The following PRKCH variants were observed in gnomAD, a reference collection of about 807,000 sequenced individuals.
PRKCH encodes the protein protein kinase C eta type.
A neutral mutation model predicts 82.5 loss-of-function variants in PRKCH; 28 were observed. That is an observed-to-expected ratio of 0.34 (90% CI 0.25 to 0.47). The LOEUF is 0.47. Among genes scored for constraint, PRKCH ranks in the 20% least tolerant of loss-of-function variants. PRKCH has a pLI of 1.00. For missense variants in PRKCH, 705 were observed against 881.8 expected (o/e 0.80, Z 2.54); for synonymous variants, 322 against 327.4 (o/e 0.98, Z 0.18).
At chr14:61,291,576 C>T (rs1455249039) in intron 1 of PRKCH, among the ~76,000 whole-genome samples, 6 of 151,986 alleles carry the variant, frequency 3.9e-5, no homozygotes, top group African/African-American at 9.7e-5. Flanking sequence ...GTGATCTGCC[C>T]GCCTCGGCCT....
chr14:61,264,828 G>A (rs1304680301), intron 1 of PRKCH, among the ~76,000 whole-genome samples: 1 of 152,156 alleles, frequency 6.6e-6, no homozygotes, highest in Non-Finnish European at 1.5e-5. Context: ...AAACAGAGAG[G>A]CTTGAATTCC....
intron 2 of PRKCH, among the ~76,000 whole-genome samples, chr14:61,442,029 C>T (rs1250906881): frequency 6.6e-6 from 1 of 152,024 alleles, no homozygotes; most frequent in Non-Finnish European, 1.5e-5. Context: ...TCCTTTGTAA[C>T]AGGTATCTGA....
At chr14:61,423,961 G>T (rs936253769) in intron 2 of PRKCH, among the ~76,000 whole-genome samples, 4 of 152,122 alleles carry the variant, frequency 2.6e-5, no homozygotes, top group Admixed American at 6.5e-5. Context: ...GGAGCAGTTT[G>T]CTCTTTGCTG....
At chr14:61,518,555 A>G (rs896442106) in intron 10 of PRKCH, among the ~76,000 whole-genome samples, 2 of 152,230 alleles carry the variant, frequency 1.3e-5, no homozygotes, top group Admixed American at 6.5e-5. Context: ...ATGTTTATCA[A>G]ACTCATTTCC....
intron 9 of PRKCH, among the ~76,000 whole-genome samples, chr14:61,468,924 A>G (rs1885379787): frequency 6.6e-6 from 1 of 152,188 alleles, no homozygotes; most frequent in Non-Finnish European, 1.5e-5. Context: ...TGGAACCCTT[A>G]AAGCCTGCCA....
At chr14:61,322,495 C>T (rs2045640526) in intron 1 of PRKCH, 31 bp downstream of exon 1, 2 of 1,569,796 alleles carry the variant, frequency 1.3e-6, no homozygotes, top group South Asian at 2.3e-5. Flanking sequence ...CCCTTTGTGT[C>T]CACCCAACCC....
In PRKCH at chr14:61,243,257, G is replaced by T. The variant is rs530251465; in HGVS notation, c.-19+55589G>T. On this transcript the variant is annotated intron_variant, in intron 1 of 3. Transcript: ENST00000555185. The stretch of plus-strand genomic sequence containing the variant: ...TACAAATACAAAAAAAATTCACCAG[G>T]TGTGGTTGTGCGCACCTGTAGTCCC... Among the ~76,000 whole-genome samples the T allele has an allele frequency of 3.3e-5, 5 of 151,948 alleles. No individual in the cohort carries two copies. In the East Asian group the frequency reaches 9.7e-4, roughly 29 times the overall value.
At chr14:61,216,877 CA>C (rs1209498397) in intron 1 of PRKCH, among the ~76,000 whole-genome samples, 1 of 152,070 alleles carries the variant, frequency 6.6e-6, no homozygotes, top group Non-Finnish European at 1.5e-5. Context: ...GGTCAGGGAA[CA>C]AAGTTATTCT....
intron 10 of PRKCH, among the ~76,000 whole-genome samples, chr14:61,516,346 G>A (rs2042829273): frequency 6.6e-6 from 1 of 152,162 alleles, no homozygotes; most frequent in South Asian, 2.1e-4. Flanking sequence ...AGCATGTATG[G>A]TGGTGACACT....
At chr14:61,475,901 T>A (rs1286864430) in intron 9 of PRKCH, among the ~76,000 whole-genome samples, 2 of 152,216 alleles carry the variant, frequency 1.3e-5, no homozygotes, top group Non-Finnish European at 2.9e-5. Context: ...CTATATCTGG[T>A]TGTCAGGATT....
At chr14:61,379,278 T>C (rs1459186418) in intron 1 of PRKCH, among the ~76,000 whole-genome samples, 1 of 152,214 alleles carries the variant, frequency 6.6e-6, no homozygotes, top group Non-Finnish European at 1.5e-5. Flanking sequence ...TTCCCTCTTT[T>C]GTGGAGCTTT....
At chr14:61,216,460 ACT>A (rs2044617088) in intron 1 of PRKCH, among the ~76,000 whole-genome samples, 1 of 151,172 alleles carries the variant, frequency 6.6e-6, no homozygotes, top group African/African-American at 2.4e-5. Flanking sequence ...ATAGAGCAAG[ACT>A]CTGTCTCAAA....
intron 10 of PRKCH, among the ~76,000 whole-genome samples, chr14:61,492,029 C>T (rs181058513): frequency 5.3e-5 from 8 of 152,074 alleles, no homozygotes; most frequent in South Asian, 2.1e-4. Flanking sequence ...GCTGAGGTCA[C>T]GGTAAAGAGG....
At chr14:61,290,753 A>G (rs79471663) in intron 1 of PRKCH, among the ~76,000 whole-genome samples, 240 of 152,354 alleles carry the variant, frequency 1.6e-3, no homozygotes, top group Non-Finnish European at 3.0e-3. Context: ...TCAGTAGTTA[A>G]GGAGCAGCAG....
At chr14:61,522,291 C>T (rs1196344504) in intron 10 of PRKCH, among the ~76,000 whole-genome samples, 1 of 152,170 alleles carries the variant, frequency 6.6e-6, no homozygotes, top group Non-Finnish European at 1.5e-5. Flanking sequence ...TCCTCATGTT[C>T]ATTCTCAACT....
intron 1 of PRKCH, among the ~76,000 whole-genome samples, chr14:61,367,875 C>T (rs1337601685): frequency 8.6e-5 from 13 of 151,774 alleles, no homozygotes; most frequent in African/African-American, 2.7e-4. Flanking sequence ...CCACCACGCC[C>T]GGCTAATTTT....
At chr14:61,256,276 A>G (rs964510562) in intron 1 of PRKCH, among the ~76,000 whole-genome samples, 4 of 152,196 alleles carry the variant, frequency 2.6e-5, no homozygotes, top group Non-Finnish European at 2.9e-5. Flanking sequence ...AAGGTGGTCT[A>G]TTTTTATTTG....
intron 1 of PRKCH, among the ~76,000 whole-genome samples, chr14:61,367,963 C>G (rs2046318811): frequency 6.6e-6 from 1 of 151,934 alleles, no homozygotes; most frequent in African/African-American, 2.4e-5. Context: ...ATCCGCCTGC[C>G]TTAGCCTCCC....
rs963278967 is a variant in PRKCH at position 61,442,414 on chromosome 14, C to T, written c.428-697C>T. 1.8e-4 allele frequency: 28 copies of T among 152,170 alleles called. 1 individual carries two copies. Among genetic ancestry groups the T allele is most frequent in the African/African-American group, 5.5e-4 (23 of 41,510 alleles). 9.4% of individuals were successfully genotyped at this position (152,170 alleles called of 1,614,324 possible). On this transcript the variant is annotated intron_variant, in intron 2 of 13. Coordinates refer to ENST00000332981, the MANE Select transcript of PRKCH (RefSeq NM_006255.5). The stretch of plus-strand genomic sequence containing the variant: ...GTGGGCGATTCCCTCATTTAGTTTG[C>T]GAGGATACCAGAATTAAAGGAAAAT...
Sources: allele counts gnomAD v4.1 joint callset (sites outside exome capture counted in the v4.1 genomes callset), GRCh38; gene constraint gnomAD v4.1.1; transcripts MANE v1.5; gene names NCBI Gene and HGNC (gene_info 2026-07-23, HGNC 2026-07-21).